SBF2: variants seen among roughly 807,000 people sequenced by gnomAD.
The protein encoded by SBF2 is myotubularin-related protein 13.
SBF2 carries 112 observed loss-of-function variants against 225.2 expected under a neutral mutation model. That is an observed-to-expected ratio of 0.50 (90% CI 0.43 to 0.58). The LOEUF is 0.58. SBF2 is among the 20% of genes least tolerant of loss of function. SBF2 has a pLI of 0.00. For synonymous variants in SBF2, 763 were observed against 773.3 expected (o/e 0.99, Z 0.22); for missense variants, 1,996 against 2,206.2 (o/e 0.90, Z 1.91).
intron 32 of SBF2, among the ~76,000 whole-genome samples, chr11:9,796,408 T>G (rs1371461653): frequency 6.6e-6 from 1 of 152,198 alleles, no homozygotes; most frequent in African/African-American, 2.4e-5. Context: ...GTTATGGTTC[T>G]TGCTTTCCAG....
intron 17 of SBF2, among the ~76,000 whole-genome samples, chr11:9,871,515 T>C (rs930295426): frequency 1.2e-5 from 1 of 86,204 alleles, no homozygotes; most frequent in African/African-American, 3.6e-5. Context: ...TATTTTGAGA[T>C]GAGTCTCACT....
At chr11:9,885,370 T>A (rs745958870) in intron 17 of SBF2, among the ~76,000 whole-genome samples, 6 of 151,642 alleles carry the variant, frequency 4.0e-5, no homozygotes, top group Admixed American at 2.6e-4. Context: ...CTCTTCATTG[T>A]ATTATTTGAA....
At chr11:9,985,592 G>C (rs982458802) in intron 13 of SBF2, among the ~76,000 whole-genome samples, 10 of 152,068 alleles carry the variant, frequency 6.6e-5, no homozygotes, top group African/African-American at 2.4e-4. Context: ...CAAAGTGCTG[G>C]GATTACAGGT....
chr11:10,219,655 G>A (rs1003635653), intron 1 of SBF2, among the ~76,000 whole-genome samples: 10 of 152,212 alleles, frequency 6.6e-5, no homozygotes, highest in Non-Finnish European at 1.5e-4. Flanking sequence ...TGAATGCTCT[G>A]CCGCTTAGAA....
At chr11:9,879,597 T>C (rs1281269500) in intron 17 of SBF2, among the ~76,000 whole-genome samples, 1 of 152,202 alleles carries the variant, frequency 6.6e-6, no homozygotes, top group Non-Finnish European at 1.5e-5. Flanking sequence ...TCAATGTATA[T>C]CCAGTGACTG....
At chr11:9,925,835 G>T (rs1863991913) in intron 16 of SBF2, among the ~76,000 whole-genome samples, 3 of 152,100 alleles carry the variant, frequency 2.0e-5, no homozygotes, top group African/African-American at 7.2e-5. Context: ...GCTTTTGGCT[G>T]CTATTTTTAG....
In SBF2 at chr11:9,991,336, T is replaced by C. The variant is rs143829166; in HGVS notation, c.1296+1079A>G. Among the ~76,000 whole-genome samples, 24 of 152,298 alleles carry C rather than the reference T, an allele frequency of 1.6e-4. 1 individual carries two copies. Among genetic ancestry groups the C allele is most frequent in the African/African-American group, 5.3e-4 (22 of 41,590 alleles). ...ATATTCTACACAGAACTAAAATATG[T>C]GCCTCTTCTTTAAAAATTCTTACCT... On this transcript the variant is annotated intron_variant, in intron 12 of 39. Transcript: ENST00000256190.
intron 16 of SBF2, among the ~76,000 whole-genome samples, chr11:9,953,494 C>T (rs1028543757): frequency 6.6e-6 from 1 of 152,092 alleles, no homozygotes; most frequent in African/African-American, 2.4e-5. Flanking sequence ...TGGAATACTA[C>T]TCAGCCATAA....
At chr11:10,292,962 G>A (rs999331757) in intron 1 of SBF2, among the ~76,000 whole-genome samples, 1 of 152,192 alleles carries the variant, frequency 6.6e-6, no homozygotes, top group Non-Finnish European at 1.5e-5. Flanking sequence ...GAGGAATAAT[G>A]AAAGAGAGAG....
Position 9,829,396 on chromosome 11 carries a change from G to A in SBF2, c.3753C>T (p.Asn1251=), listed in dbSNP as rs1487450090. The A allele has an allele frequency of 1.9e-6, 3 of 1,613,990 alleles. No individual in the cohort carries two copies. The African/African-American group carries it at 4.0e-5, about 22-fold the overall frequency. The stretch of plus-strand genomic sequence containing the variant: ...AGGCTGGCCTGACAGTAAGAGTGCT[G>A]TTGCCTCTGAGTTTCTGATGGACAG... ...AVSVHQKLRG[N]STLTVRPAFA... The change falls in exon 28 of 40, where the codon AAC becomes AAT. Residue 1251 remains asparagine (N), a synonymous_variant. Transcript: ENST00000256190.
intron 17 of SBF2, among the ~76,000 whole-genome samples, chr11:9,887,876 T>C (rs1860465626): frequency 6.6e-6 from 1 of 152,002 alleles, no homozygotes; most frequent in Non-Finnish European, 1.5e-5. Context: ...TGTATCCAGA[T>C]CACGAAGTCT....
intron 8 of SBF2, among the ~76,000 whole-genome samples, chr11:10,000,452 C>T (rs530532909): frequency 8.5e-4 from 129 of 152,264 alleles, no homozygotes; most frequent in African/African-American, 3.0e-3. Flanking sequence ...TTCTTCTATT[C>T]ATATGGCATT....
intron 1 of SBF2, among the ~76,000 whole-genome samples, chr11:10,198,862 C>T (rs1957474751): frequency 6.6e-6 from 1 of 152,190 alleles, no homozygotes; most frequent in Non-Finnish European, 1.5e-5. Context: ...ACTTTCTCAG[C>T]CTACACAGAT....
chr11:10,158,271 C>T (rs1381022835), intron 2 of SBF2, among the ~76,000 whole-genome samples: 1 of 151,528 alleles, frequency 6.6e-6, no homozygotes, highest in Non-Finnish European at 1.5e-5. Flanking sequence ...CACTTTATAC[C>T]TCAAGAACTA....
At position 10,044,436 on chromosome 11, in the gene SBF2, G is replaced by C. The variant is rs527892125; in HGVS notation, c.142-1455C>G. 1.0e-4 allele frequency: 16 copies of C among 159,370 alleles called. No homozygotes were observed. In the South Asian group the frequency reaches 1.2e-3, roughly 12 times the overall value. 9.9% of individuals were successfully genotyped at this position (159,370 alleles called of 1,614,324 possible). A position where few individuals can be genotyped will look rare whatever the true frequency, so the allele number is the denominator to read the frequency against. ...ATAAGCAAATTATATAATAAGCAAA[G>C]TAATAAAATAAGCAAATGATATAAT... On this transcript the variant is annotated intron_variant, in intron 2 of 39. Transcript: ENST00000256190.
Position 9,832,998 on chromosome 11 carries a change from C to T in SBF2, c.3456-578G>A, listed in dbSNP as rs540678803. ...CTTTTCCACAACTTGAAATAAAGAT[C>T]GTAAGATTACCAGATTAATGTCAAC... On this transcript the variant is annotated intron_variant, in intron 26 of 39. Transcript: ENST00000256190. 1.4e-3 allele frequency among the ~76,000 whole-genome samples: 212 copies of T among 152,258 alleles called. 3 individuals carry two copies. In the Middle Eastern group the frequency reaches 0.02, roughly 15 times the overall value.
intron 1 of SBF2, among the ~76,000 whole-genome samples, chr11:10,219,882 C>G (rs1018410785): frequency 5.9e-5 from 9 of 152,226 alleles, no homozygotes; most frequent in African/African-American, 1.9e-4. Flanking sequence ...CAACAAGTCT[C>G]TAGGAAGTTC....
At chr11:10,055,367 A>G (rs1326886923) in intron 2 of SBF2, among the ~76,000 whole-genome samples, 1 of 152,218 alleles carries the variant, frequency 6.6e-6, no homozygotes, top group East Asian at 1.9e-4. Context: ...CATTTGATCC[A>G]GCAATCCCAC....
At position 9,963,358 on chromosome 11, in the gene SBF2, G is replaced by A. The variant is rs533230518; in HGVS notation, c.1710+415C>T. ...TGCGTGCCTGTAGTCCCAGCTACTT[G>A]GGAGGCTGAGGCAGGAGAATCGCTT... On this transcript the variant is annotated intron_variant, in intron 15 of 39. Transcript: ENST00000256190. Among the ~76,000 whole-genome samples, 342 of 152,228 alleles carry A rather than the reference G, an allele frequency of 2.2e-3. 1 individual carries two copies. Among genetic ancestry groups the A allele is most frequent in the African/African-American group, 7.6e-3 (316 of 41,542 alleles).
Sources: gnomAD v4.1 joint callset for allele counts (sites outside exome capture counted in the v4.1 genomes callset) on GRCh38, gnomAD v4.1.1 for gene constraint, MANE v1.5 for transcripts, NCBI Gene and HGNC (gene_info 2026-07-23, HGNC 2026-07-21) for gene names.